The following DMD variants were observed in gnomAD, a reference collection of about 807,000 sequenced individuals.
DMD encodes mutant dystrophin.
Under a neutral mutation model 330.1 loss-of-function variants are expected in DMD, and 63 were observed. The observed-to-expected ratio is 0.19, with a 90% CI of 0.16 to 0.24. The LOEUF is 0.24. Ranked by LOEUF, DMD falls within the 10% of genes least tolerant of loss-of-function variation. The pLI is 1.00. For missense variants in DMD, 3,344 were observed against 2,684.1 expected (o/e 1.25, Z -5.43); for synonymous variants, 1,223 against 959.8 (o/e 1.27, Z -5.07).
intron 60 of DMD, among the ~76,000 whole-genome samples, chrX:31,394,001 T>G (rs986907160): frequency 8.9e-6 from 1 of 112,368 alleles, no homozygotes; most frequent in African/African-American, 3.2e-5. Context: ...GAAACTGAAG[T>G]CTTAAGATAA....
intron 76 of DMD, among the ~76,000 whole-genome samples, chrX:31,136,543 A>G (rs1307074364): frequency 8.9e-6 from 1 of 112,000 alleles, no homozygotes; most frequent in African/African-American, 3.3e-5. Context: ...CACTTCAGTG[A>G]CAGTATGCCT....
In DMD at chrX:32,816,439, G is replaced by A. The variant is rs375766850; in HGVS notation, c.530+29C>T. 8 of 1,203,933 alleles carry A rather than the reference G, an allele frequency of 6.6e-6. No individual in the cohort carries two copies. In the Admixed American group the frequency reaches 1.5e-4, roughly 23 times the overall value. ...AGAGTCTAAATCACCACTTTTACAA[G>A]TTATTTAATGTCTCAGTAATCTTCT... On this transcript the variant is annotated intron_variant, in intron 6 of 78. Transcript: ENST00000357033.
intron 9 of DMD, among the ~76,000 whole-genome samples, chrX:32,696,090 A>G (rs2063635689): frequency 8.9e-6 from 1 of 112,014 alleles, no homozygotes; most frequent in Non-Finnish European, 1.9e-5. Context: ...AGTCACCCAC[A>G]TGGCTCTCTC....
At chrX:32,546,953 T>C (rs184117962) in intron 16 of DMD, among the ~76,000 whole-genome samples, 120 of 112,160 alleles carry the variant, frequency 1.1e-3, no homozygotes, top group African/African-American at 3.7e-3. Flanking sequence ...TAGTTTTTAG[T>C]AGGATTCCAA....
chrX:32,486,939 G>A (rs953879173), intron 20 of DMD, among the ~76,000 whole-genome samples: 3 of 109,828 alleles, frequency 2.7e-5, no homozygotes. Context: ...GCATAGGCAT[G>A]GGCAAGGACT....
intron 3 of DMD, 148 bp downstream of exon 3, chrX:32,849,580 C>T: frequency 2.3e-6 from 1 of 439,548 alleles, no homozygotes; most frequent in Non-Finnish European, 4.0e-6. Flanking sequence ...AAATGAAAAT[C>T]ATACGAGGTT....
Position 32,468,481 on chromosome X carries a change from G to C in DMD, c.3162+17C>G. ...AAGTAAATAAAAATGAGGGTAGAAA[G>C]TAAAATCTTGAATTACCTGAATTTT... On this transcript the variant is annotated intron_variant, in intron 23 of 78. Transcript: ENST00000357033. The C allele has an allele frequency of 8.5e-7, 1 of 1,177,082 alleles. No individual in the cohort carries two copies. The highest frequency in any genetic ancestry group is 1.8e-5 in the South Asian group (1 of 54,665).
intron 18 of DMD, among the ~76,000 whole-genome samples, chrX:32,505,694 C>A (rs2044544838): frequency 1.8e-5 from 2 of 112,129 alleles, no homozygotes. Context: ...CACTCAAATT[C>A]CTGCACATGA....
At chrX:32,840,895 T>G (rs184795203) in intron 4 of DMD, among the ~76,000 whole-genome samples, 1 of 111,936 alleles carries the variant, frequency 8.9e-6, no homozygotes, top group Admixed American at 9.6e-5. Context: ...CTGGGAAATG[T>G]ATTTCTGTAA....
intron 55 of DMD, among the ~76,000 whole-genome samples, chrX:31,623,097 T>C (rs996001400): frequency 4.6e-5 from 5 of 109,242 alleles, no homozygotes; most frequent in African/African-American, 1.0e-4. Context: ...TCCTTAGAAT[T>C]AGGGATCCTT....
chrX:32,910,097 A>C (rs963165293), intron 2 of DMD, among the ~76,000 whole-genome samples: 10 of 111,850 alleles, frequency 8.9e-5, no homozygotes, highest in Admixed American at 2.8e-4. Context: ...TATCAAAATC[A>C]CACAATAATT....
rs935613849 is a variant in DMD, at chrX:31,585,209, G to A, written c.8217+42464C>T. 4.7e-5 allele frequency among the ~76,000 whole-genome samples: 5 copies of A among 106,856 alleles called. No individual in the cohort carries two copies. The Admixed American group carries it at 5.1e-4, about 11-fold the overall frequency. The allele number at this position is 106,856 out of a possible 115,157, so 92.8% of individuals were successfully genotyped here. On this transcript the variant is annotated intron_variant, in intron 55 of 78. Transcript: ENST00000357033. Reference sequence around the variant, plus strand: ...ATGGTGGCACTTGCCTGTAGTCTCTGCTACTTGGGAGGCTGAGGTTGGGGG... The same window carrying A: ...ATGGTGGCACTTGCCTGTAGTCTCTACTACTTGGGAGGCTGAGGTTGGGGG...
intron 60 of DMD, among the ~76,000 whole-genome samples, chrX:31,440,170 T>C (rs2064834895): frequency 9.6e-6 from 1 of 103,776 alleles, no homozygotes. Flanking sequence ...TTTTTGGAAA[T>C]GGTGTCTTGC....
At chrX:31,764,333 A>G (rs1380487601) in intron 51 of DMD, among the ~76,000 whole-genome samples, 1 of 111,756 alleles carries the variant, frequency 8.9e-6, no homozygotes, top group Non-Finnish European at 1.9e-5. Context: ...AACTTGAGTA[A>G]GTGTGGTAAA....
At chrX:32,741,819 A>G (rs2069313726) in intron 7 of DMD, among the ~76,000 whole-genome samples, 2 of 111,904 alleles carry the variant, frequency 1.8e-5, no homozygotes, top group Admixed American at 1.9e-4. Flanking sequence ...TATAAATTAT[A>G]TCTCAATAAA....
intron 2 of DMD, among the ~76,000 whole-genome samples, chrX:32,983,564 CACACACACACAT>C (rs1194724015): frequency 8.4e-4 from 67 of 79,869 alleles, no homozygotes; most frequent in South Asian, 2.4e-3. Context: ...CACACACACA[CACACACACACAT>C]ATAGGAACAC....
intron 9 of DMD, among the ~76,000 whole-genome samples, chrX:32,657,009 A>ATGTGTGTGTG (rs1448875759): frequency 2.1e-5 from 2 of 95,042 alleles, no homozygotes; most frequent in Admixed American, 1.1e-4. Flanking sequence ...ATACCAACTT[A>ATGTGTGTGTG]TATGTGTGTG....
chrX:31,870,472 T>A (rs2093872751), intron 48 of DMD, among the ~76,000 whole-genome samples: 1 of 111,904 alleles, frequency 8.9e-6, no homozygotes. Context: ...GCACATTGAC[T>A]AACCTCCCTC....
intron 42 of DMD, among the ~76,000 whole-genome samples, chrX:32,289,427 C>T (rs1190951602): frequency 9.0e-6 from 1 of 110,692 alleles, no homozygotes; most frequent in African/African-American, 3.3e-5. Flanking sequence ...ATGTCAGAGG[C>T]GTTCGAACTA....
Sources: allele counts gnomAD v4.1 joint callset (sites outside exome capture counted in the v4.1 genomes callset), GRCh38; gene constraint gnomAD v4.1.1; transcripts MANE v1.5; gene names NCBI Gene and HGNC (gene_info 2026-07-23, HGNC 2026-07-21).